PDE4B: variants seen among roughly 807,000 people sequenced by gnomAD.
PDE4B encodes phosphodiesterase 4B.
In PDE4B, 20 loss-of-function variants were observed where a neutral mutation model predicts 82.2. That is an observed-to-expected ratio of 0.24 (90% CI 0.17 to 0.35). PDE4B has a LOEUF of 0.35. Ranked by LOEUF, PDE4B falls within the 10% of genes least tolerant of loss-of-function variation. PDE4B has a pLI of 1.00. For synonymous variants in PDE4B, 320 were observed against 318.9 expected (o/e 1.00, Z -0.04); for missense variants, 655 against 907.2 (o/e 0.72, Z 3.57).
intron 1 of PDE4B, among the ~76,000 whole-genome samples, chr1:65,882,533 T>C (rs533567494): frequency 1.8e-4 from 28 of 152,204 alleles, no homozygotes; most frequent in Non-Finnish European, 3.7e-4. Context: ...GGTTAAGTAA[T>C]TATGGTGAAG....
intron 1 of PDE4B, among the ~76,000 whole-genome samples, chr1:65,877,876 T>C (rs559344698): frequency 6.6e-6 from 1 of 152,042 alleles, no homozygotes; most frequent in South Asian, 2.1e-4. Flanking sequence ...AAAGCCAAAA[T>C]TGACAAATGG....
At chr1:65,853,455 T>C (rs937346547) in intron 1 of PDE4B, among the ~76,000 whole-genome samples, 8 of 152,120 alleles carry the variant, frequency 5.3e-5, no homozygotes, top group African/African-American at 1.9e-4. Flanking sequence ...ATTCTTTTTG[T>C]GACTTCTTTT....
chr1:65,911,890 C>A lies in PDE4B; in HGVS notation c.-70-1355C>A, dbSNP rs142009821. On this transcript the variant is annotated intron_variant, in intron 1 of 16. Transcript: ENST00000341517. ...TCAAATTATGTGTTAGAAATTCAAC[C>A]CTGGTTTCCTGGGTGATGGTACAAT... Among the ~76,000 whole-genome samples the A allele has an allele frequency of 5.9e-5, 9 of 152,266 alleles. No homozygotes were observed. The East Asian group carries it at 1.7e-3, about 29-fold the overall frequency.
chr1:66,031,521 G>A (rs968164163), intron 3 of PDE4B, among the ~76,000 whole-genome samples: 1 of 152,266 alleles, frequency 6.6e-6, no homozygotes, highest in East Asian at 1.9e-4. Context: ...ATGGGTTTGG[G>A]TTTTTTCCCT....
At chr1:66,100,711 C>T (rs1341406392) in intron 3 of PDE4B, among the ~76,000 whole-genome samples, 3 of 152,096 alleles carry the variant, frequency 2.0e-5, no homozygotes, top group Admixed American at 2.0e-4. Flanking sequence ...AACATTATTG[C>T]TGAATAAAGA....
At chr1:65,965,049 G>C (rs983854266) in intron 3 of PDE4B, among the ~76,000 whole-genome samples, 4 of 151,940 alleles carry the variant, frequency 2.6e-5, no homozygotes, top group Non-Finnish European at 5.9e-5. Flanking sequence ...ATTTTGAAGG[G>C]GATAGAATCT....
chr1:66,255,489 A>T (rs1313105773), intron 4 of PDE4B, among the ~76,000 whole-genome samples: 1 of 152,172 alleles, frequency 6.6e-6, no homozygotes, highest in African/African-American at 2.4e-5. Context: ...TTCTCTACAA[A>T]TGTCTATAGC....
chr1:65,997,810 T>C (rs1651635334), intron 3 of PDE4B, among the ~76,000 whole-genome samples: 1 of 152,138 alleles, frequency 6.6e-6, no homozygotes, highest in South Asian at 2.1e-4. Context: ...ACTTATGCAA[T>C]AATAATTAAC....
At chr1:65,844,775 C>T (rs1044200150) in intron 1 of PDE4B, among the ~76,000 whole-genome samples, 1 of 152,146 alleles carries the variant, frequency 6.6e-6, no homozygotes, top group African/African-American at 2.4e-5. Flanking sequence ...GCATTCTCTT[C>T]TTCTTGGCTC....
intron 3 of PDE4B, among the ~76,000 whole-genome samples, chr1:66,087,827 A>G (rs1270312021): frequency 7.6e-6 from 1 of 132,146 alleles, no homozygotes; most frequent in African/African-American, 2.9e-5. Flanking sequence ...ATGAGAACAC[A>G]TGGACACAGG....
chr1:65,867,799 A>G (rs994813791), intron 1 of PDE4B, among the ~76,000 whole-genome samples: 1 of 152,220 alleles, frequency 6.6e-6, no homozygotes, highest in African/African-American at 2.4e-5. Flanking sequence ...TTCAGATAGA[A>G]GCAGATGCCA....
intron 7 of PDE4B, among the ~76,000 whole-genome samples, chr1:66,284,687 A>T (rs567213426): frequency 6.6e-6 from 1 of 152,274 alleles, no homozygotes; most frequent in South Asian, 2.1e-4. Context: ...AAGTATGCAG[A>T]TGAAAAAGTA....
At position 66,070,993 on chromosome 1, in the gene PDE4B, AT is replaced by A. The variant is rs764669290; in HGVS notation, c.281+152159del. ...GCTATGAAAGCATTATTTTATAAAAATGACTGTTTAAAATTTACTCTTTCTT... is the reference window on the plus strand; with the variant it reads ...GCTATGAAAGCATTATTTTATAAAAAGACTGTTTAAAATTTACTCTTTCTT... On this transcript the variant is annotated intron_variant, in intron 3 of 16. Coordinates refer to ENST00000341517, the MANE Select transcript of PDE4B (RefSeq NM_002600.4). 1.1e-3 allele frequency among the ~76,000 whole-genome samples: 162 copies of A among 152,152 alleles called. 1 individual carries two copies. The highest frequency in any genetic ancestry group is 2.0e-3 in the Non-Finnish European group (133 of 67,950).
At chr1:66,274,317 C>CG (rs1277298548) in intron 7 of PDE4B, among the ~76,000 whole-genome samples, 1 of 145,430 alleles carries the variant, frequency 6.9e-6, no homozygotes, top group Non-Finnish European at 1.5e-5. Flanking sequence ...TGCGTCACAA[C>CG]ACCCAGCTAA....
intron 3 of PDE4B, among the ~76,000 whole-genome samples, chr1:65,936,282 T>G (rs895003286): frequency 2.0e-5 from 3 of 152,268 alleles, no homozygotes; most frequent in Admixed American, 2.0e-4. Context: ...TAACTTTTTT[T>G]TAATATACAT....
Position 66,228,514 on chromosome 1 carries a change from T to C in PDE4B, c.282-18946T>C, listed in dbSNP as rs776657370. Among the ~76,000 whole-genome samples, 14 of 151,838 alleles carry C rather than the reference T, an allele frequency of 9.2e-5. 1 individual carries two copies. The highest frequency in any genetic ancestry group is 8.3e-4 in the South Asian group (4 of 4,814). On this transcript the variant is annotated intron_variant, in intron 3 of 16. Coordinates refer to ENST00000341517, the MANE Select transcript of PDE4B (RefSeq NM_002600.4). ...TGGTGGGCGCCTGTAGTCCCAGCTA[T>C]TCAGGAGGCTGAGGCAGGAGAATGG...
intron 3 of PDE4B, among the ~76,000 whole-genome samples, chr1:66,178,338 A>T (rs1366594274): frequency 6.6e-6 from 1 of 152,152 alleles, no homozygotes; most frequent in African/African-American, 2.4e-5. Context: ...AGGCTGTGGC[A>T]GTGTTAACTT....
intron 4 of PDE4B, among the ~76,000 whole-genome samples, chr1:66,254,183 T>G (rs1174940478): frequency 2.0e-5 from 3 of 151,982 alleles, no homozygotes; most frequent in African/African-American, 7.3e-5. Context: ...CAATGTGAAC[T>G]TCACATCAGA....
At chr1:65,941,035 T>A (rs762473929) in intron 3 of PDE4B, among the ~76,000 whole-genome samples, 7 of 152,084 alleles carry the variant, frequency 4.6e-5, no homozygotes, top group Non-Finnish European at 1.0e-4. Context: ...AAATATAATG[T>A]TGCAGATAAA....
Sources: allele counts gnomAD v4.1 joint callset (sites outside exome capture counted in the v4.1 genomes callset), GRCh38; gene constraint gnomAD v4.1.1; transcripts MANE v1.5; gene names NCBI Gene and HGNC (gene_info 2026-07-23, HGNC 2026-07-21).